TUBGCP3: variants seen among roughly 807,000 people sequenced by gnomAD.
The protein encoded by TUBGCP3 is tubulin gamma complex component 3.
Under a neutral mutation model 123.1 loss-of-function variants are expected in TUBGCP3, and 50 were observed. That is an observed-to-expected ratio of 0.41 (90% CI 0.32 to 0.51). The LOEUF is 0.51. TUBGCP3 is among the 20% of genes least tolerant of loss of function. The pLI is 0.36. For missense variants in TUBGCP3, 882 were observed against 1,127.0 expected, an observed-to-expected ratio of 0.78 and a Z score of 3.11; for synonymous variants, 405 against 413.9, an observed-to-expected ratio of 0.98 and a Z score of 0.26.
In TUBGCP3 at chr13:112,565,105, C is replaced by T; in HGVS notation, c.252+6G>A. On this transcript the variant is annotated splice_donor_region_variant and intron_variant, in intron 3 of 21. Coordinates refer to ENST00000261965, the MANE Select transcript of TUBGCP3 (RefSeq NM_006322.6). Reference sequence around the variant, plus strand: ...GTGCAATGACCTCCAGAATTCTGCACTGTACCTGTGAATGAAGTTTTCTGT... The same window carrying T: ...GTGCAATGACCTCCAGAATTCTGCATTGTACCTGTGAATGAAGTTTTCTGT... 3 of 1,613,350 alleles carry T rather than the reference C, an allele frequency of 1.9e-6. No individual in the cohort carries two copies. The highest frequency in any genetic ancestry group is 1.7e-4 in the Middle Eastern group (1 of 6,056).
Position 112,545,407 on chromosome 13 carries a change from G to T in TUBGCP3, c.1335+292C>A. On this transcript the variant is annotated intron_variant, in intron 11 of 21. Coordinates refer to ENST00000261965, the MANE Select transcript of TUBGCP3 (RefSeq NM_006322.6). The surrounding 1 kb of genome is among the most constrained non-coding windows in gnomAD (Gnocchi z 4.1). ...TGATGACTGCCCCAAGACTCAGGAG[G>T]CCTCGTCCTGTTTTGCCATCCACGT... 2.9e-6 allele frequency: 1 copy of T among 349,292 alleles called. No homozygotes were observed. The highest frequency in any genetic ancestry group is 5.4e-6 in the Non-Finnish European group (1 of 185,134). 21.6% of individuals were successfully genotyped at this position (349,292 alleles called of 1,614,324 possible). A position where few individuals can be genotyped will look rare whatever the true frequency, so the allele number is the denominator to read the frequency against.
chr13:112,562,992 C>T (rs369043800), intron 3 of TUBGCP3, among the ~76,000 whole-genome samples: 9 of 152,196 alleles, frequency 5.9e-5, no homozygotes, highest in Non-Finnish European at 1.3e-4. Context: ...TCCCTGCCCT[C>T]GAGGCCAGAG....
intron 1 of TUBGCP3, among the ~76,000 whole-genome samples, chr13:112,572,765 A>C (rs1252237491): frequency 1.3e-5 from 2 of 152,184 alleles, no homozygotes; most frequent in African/African-American, 4.8e-5. Context: ...TTACACATCA[A>C]CGTAACAGAT....
At chr13:112,531,200 T>C (rs1877542483) in intron 11 of TUBGCP3, among the ~76,000 whole-genome samples, 1 of 152,234 alleles carries the variant, frequency 6.6e-6, no homozygotes, top group Non-Finnish European at 1.5e-5. Flanking sequence ...TCCTGGTAAG[T>C]AGGCACATGA....
chr13:112,550,240 T>A (rs773602381), intron 8 of TUBGCP3, among the ~76,000 whole-genome samples: 1 of 152,052 alleles, frequency 6.6e-6, no homozygotes, highest in Non-Finnish European at 1.5e-5. Context: ...CAAAACTCCA[T>A]CAAAAAATTT....
At chr13:112,539,089 G>C (rs1185809724) in intron 11 of TUBGCP3, among the ~76,000 whole-genome samples, 2 of 152,194 alleles carry the variant, frequency 1.3e-5, no homozygotes, top group African/African-American at 4.8e-5. Flanking sequence ...AGACATCTTA[G>C]GGACAGAAGA....
At chr13:112,570,460 C>T (rs1405707026) in intron 1 of TUBGCP3, among the ~76,000 whole-genome samples, 1 of 152,154 alleles carries the variant, frequency 6.6e-6, no homozygotes, top group Non-Finnish European at 1.5e-5. Flanking sequence ...GTTTAATATA[C>T]TGTGGTCTGT....
intron 3 of TUBGCP3, among the ~76,000 whole-genome samples, chr13:112,560,402 C>T (rs1183772141): frequency 6.6e-6 from 1 of 151,066 alleles, no homozygotes; most frequent in Admixed American, 6.6e-5. Flanking sequence ...TGCACTCCAG[C>T]CTGGGCGACA....
chr13:112,559,273 A>G (rs774488797), intron 4 of TUBGCP3, 49 bp downstream of exon 4: 1 of 1,519,020 alleles, frequency 6.6e-7, no homozygotes, highest in Non-Finnish European at 9.0e-7. Context: ...TATCAAAGTC[A>G]GCCAGGGTGT....
rs1882382299 is a variant in TUBGCP3 at position 112,583,053 on chromosome 13, T to A, written c.76+4852A>T. Among the ~76,000 whole-genome samples the A allele has an allele frequency of 2.6e-5, 4 of 152,192 alleles. No homozygotes were observed. In the South Asian group the frequency reaches 8.3e-4, roughly 31 times the overall value. ...AATATCAAGCTGTAGAATCAGAACTTGGGTTCCAACCTTGGCCCCGCAATT... is the reference window on the plus strand; with the variant it reads ...AATATCAAGCTGTAGAATCAGAACTAGGGTTCCAACCTTGGCCCCGCAATT... On this transcript the variant is annotated intron_variant, in intron 1 of 21. Transcript: ENST00000261965.
At position 112,548,086 on chromosome 13, in the gene TUBGCP3, AAAAT is replaced by A. The variant is rs781641613; in HGVS notation, c.1035+18_1035+21del. 1 of 1,523,594 alleles carries A rather than the reference AAAAT, an allele frequency of 6.6e-7. No individual in the cohort carries two copies. Among genetic ancestry groups the A allele is most frequent in the Non-Finnish European group, 8.9e-7 (1 of 1,125,904 alleles). 94.4% of individuals were successfully genotyped at this position (1,523,594 alleles called of 1,614,324 possible). A position where few individuals can be genotyped will look rare whatever the true frequency, so the allele number is the denominator to read the frequency against. ...TAACACTTCAAATCATAAAGAAATAAAAATAAAAATAAAATATTTACCTGAGAAT... is the reference window on the plus strand; with the variant it reads ...TAACACTTCAAATCATAAAGAAATAAAAAAATAAAATATTTACCTGAGAAT... On this transcript the variant is annotated intron_variant, in intron 9 of 21. Transcript: ENST00000261965.
intron 19 of TUBGCP3, among the ~76,000 whole-genome samples, chr13:112,500,599 T>C (rs1880839608): frequency 6.6e-6 from 1 of 151,980 alleles, no homozygotes; most frequent in South Asian, 2.1e-4. Flanking sequence ...TAACAAAAGA[T>C]TTGCAAGTTT....
At chr13:112,559,199 C>T (rs1326417785) in intron 4 of TUBGCP3, 123 bp downstream of exon 4, 3 of 717,878 alleles carry the variant, frequency 4.2e-6, no homozygotes, top group African/African-American at 3.7e-5. Context: ...ATCTCTTGAC[C>T]TTCCATGACA....
chr13:112,536,785 C>CT (rs892046706), intron 11 of TUBGCP3, among the ~76,000 whole-genome samples: 3 of 151,650 alleles, frequency 2.0e-5, no homozygotes, highest in African/African-American at 4.8e-5. Flanking sequence ...AATGGCTTTA[C>CT]TTTTTTTTGG....
At chr13:112,585,415 T>G (rs1228851433) in intron 1 of TUBGCP3, among the ~76,000 whole-genome samples, 4 of 152,190 alleles carry the variant, frequency 2.6e-5, no homozygotes, top group Non-Finnish European at 4.4e-5. Flanking sequence ...ATCCTAGCTA[T>G]CTAGAACATA....
chr13:112,494,824 T>C (rs932650019), intron 20 of TUBGCP3, among the ~76,000 whole-genome samples: 3 of 152,264 alleles, frequency 2.0e-5, no homozygotes, highest in African/African-American at 7.2e-5. Context: ...TAACCCATGA[T>C]GTTGAGCACC....
chr13:112,514,293 T>A (rs1487138010), intron 17 of TUBGCP3, among the ~76,000 whole-genome samples: 2 of 27,006 alleles, frequency 7.4e-5, no homozygotes, highest in South Asian at 1.8e-3. Flanking sequence ...ATCCATGGGG[T>A]GGGGGGGAGG....
chr13:112,494,143 C>T (rs1463770277), intron 20 of TUBGCP3, among the ~76,000 whole-genome samples: 3 of 151,340 alleles, frequency 2.0e-5, no homozygotes, highest in Admixed American at 1.3e-4. Context: ...GCCTGAGACG[C>T]TCTAGGTATG....
At chr13:112,501,932 C>T (rs1880934146) in intron 19 of TUBGCP3, among the ~76,000 whole-genome samples, 1 of 152,192 alleles carries the variant, frequency 6.6e-6, no homozygotes, top group African/African-American at 2.4e-5. Context: ...TTATCTCGTA[C>T]AGAAGGTTCA....
Sources: gnomAD v4.1 joint callset for allele counts (sites outside exome capture counted in the v4.1 genomes callset) on GRCh38, gnomAD v4.1.1 for gene constraint, Gnocchi (gnomAD v3.1) non-coding constraint, MANE v1.5 for transcripts, NCBI Gene and HGNC (gene_info 2026-07-23, HGNC 2026-07-21) for gene names.